RBM39: variants seen among roughly 807,000 people sequenced by gnomAD.
The protein encoded by RBM39 is RNA binding motif protein 39.
A neutral mutation model predicts 79.6 loss-of-function variants in RBM39; 12 were observed. The ratio of observed to expected loss-of-function variants is 0.15; its 90% CI spans 0.10 to 0.24. The LOEUF (loss-of-function observed/expected upper bound fraction) is 0.24, where lower values mean the gene tolerates loss of function less well. Among genes scored for constraint, RBM39 ranks in the 10% least tolerant of loss-of-function variants. RBM39 has a pLI of 1.00. For synonymous variants in RBM39, 185 were observed against 208.4 expected (o/e 0.89, Z 0.97); for missense variants, 243 against 653.4 (o/e 0.37, Z 6.85).
chr20:35,718,378 G>A (rs370064646), intron 9 of RBM39, among the ~76,000 whole-genome samples: 18 of 152,148 alleles, frequency 1.2e-4, no homozygotes, highest in African/African-American at 4.3e-4. Context: ...GCATTAGCTA[G>A]CAAAAAGTAA....
At chr20:35,723,823 T>C (rs1476056121) in intron 8 of RBM39, among the ~76,000 whole-genome samples, 2 of 152,198 alleles carry the variant, frequency 1.3e-5, no homozygotes, top group Admixed American at 6.6e-5. Context: ...AGAGGATCAC[T>C]TGAGCATGAC....
chr20:35,739,237 T>A (rs1056196), intron 2 of RBM39: 62,077 of 575,326 alleles, frequency 0.11, 3,562 homozygotes, highest in South Asian at 0.16. Flanking sequence ...TAAAAAAATT[T>A]TCCATATTAA....
At chr20:35,718,843 C>T (rs2037519305) in intron 9 of RBM39, among the ~76,000 whole-genome samples, 1 of 144,960 alleles carries the variant, frequency 6.9e-6, no homozygotes, top group Admixed American at 6.9e-5. Context: ...AAAAGCCAGG[C>T]ATGGCGGCAT....
At chr20:35,719,800 CT>C (rs2037675075) in intron 9 of RBM39, among the ~76,000 whole-genome samples, 1 of 152,038 alleles carries the variant, frequency 6.6e-6, no homozygotes, top group South Asian at 2.1e-4. Context: ...CATGATTATT[CT>C]TTTTCTTTTC....
intron 13 of RBM39, chr20:35,707,828 T>C (rs2035930368): frequency 4.5e-6 from 2 of 446,688 alleles, no homozygotes; most frequent in Non-Finnish European, 9.2e-6. Flanking sequence ...TAATATCCAC[T>C]ACTACCAAAA....
At chr20:35,729,561 G>A (rs1345103431) in intron 4 of RBM39, 34 bp from the exon 5 acceptor site, 2 of 1,591,094 alleles carry the variant, frequency 1.3e-6, no homozygotes, top group Non-Finnish European at 1.7e-6. Flanking sequence ...ACTAGTTACA[G>A]GTTTAGGGTC....
intron 1 of RBM39, 91 bp downstream of exon 1, chr20:35,741,850 C>A (rs558781270): frequency 7.0e-5 from 11 of 158,092 alleles, no homozygotes; most frequent in African/African-American, 2.4e-4. Flanking sequence ...CCACCCCGGT[C>A]GCTAAAGACC....
At chr20:35,707,283 AC>A in intron 13 of RBM39, 82 bp from the exon 14 acceptor site, 2 of 844,040 alleles carry the variant, frequency 2.4e-6, no homozygotes, top group Non-Finnish European at 1.8e-6. Flanking sequence ...GAAACCAAAA[AC>A]CCACCCCAAG....
chr20:35,714,592 TTAAATA>T (rs1185481791), intron 10 of RBM39, among the ~76,000 whole-genome samples: 1 of 152,204 alleles, frequency 6.6e-6, no homozygotes, highest in African/African-American at 2.4e-5. Context: ...ATGTGGTAGT[TTAAATA>T]AAAGATATTA....
At chr20:35,726,486 A>G (rs1027257829) in intron 6 of RBM39, among the ~76,000 whole-genome samples, 14 of 152,236 alleles carry the variant, frequency 9.2e-5, no homozygotes, top group African/African-American at 3.4e-4. Context: ...CAGTTTAATC[A>G]TAGTCATAAA....
intron 2 of RBM39, chr20:35,740,472 G>T: frequency 1.8e-6 from 2 of 1,107,404 alleles, no homozygotes; most frequent in Admixed American, 2.4e-5. Flanking sequence ...ATTCTTAGTT[G>T]AGTCATTTTA....
At chr20:35,732,197 T>G (rs1169414122) in intron 3 of RBM39, 62 bp from the exon 4 acceptor site, 1 of 1,391,202 alleles carries the variant, frequency 7.2e-7, no homozygotes, top group South Asian at 1.2e-5. Flanking sequence ...ATATACTACC[T>G]TTTATGGCCA....
In RBM39 at chr20:35,701,619, T is replaced by G. The variant is rs2035286645; in HGVS notation, c.*2862A>C. ...ATACAAAAACTTAAGCCGGGTGTGT[T>G]GACACGCGCCTGTATTCCCAGCTAC... is the stretch of plus-strand genomic sequence containing the variant. On this transcript the variant is annotated 3_prime_UTR_variant, in exon 17 of 17. Transcript: ENST00000253363. 1 of 152,072 alleles carries G rather than the reference T, an allele frequency of 6.6e-6. No individual in the cohort carries two copies. Among genetic ancestry groups the G allele is most frequent in the African/African-American group, 2.4e-5 (1 of 41,388 alleles). The allele number at this position is 152,072 out of a possible 1,614,324, so 9.4% of individuals were successfully genotyped here.
intron 3 of RBM39, chr20:35,736,486 C>T (rs1432966141): frequency 2.4e-6 from 1 of 416,332 alleles, no homozygotes; most frequent in Non-Finnish European, 5.0e-6. Flanking sequence ...ATTTTCTCAT[C>T]TGTTTTATGA....
chr20:35,718,409 G>A (rs1247731018), intron 9 of RBM39, among the ~76,000 whole-genome samples: 2 of 152,118 alleles, frequency 1.3e-5, no homozygotes, highest in African/African-American at 4.8e-5. Context: ...CATTTAGGCT[G>A]GGCTCGGTGG....
chr20:35,740,885 C>A lies in RBM39; in HGVS notation c.-11G>T. 1 of 1,607,604 alleles carries A rather than the reference C, an allele frequency of 6.2e-7. No individual in the cohort carries two copies. ...AATATCGTCTGCCATTTTCTCTAAA[C>A]GCCTAGGAAGAGAACAAGACAATTT... On this transcript the variant is annotated splice_region_variant and 5_prime_UTR_variant, in exon 2 of 17. Transcript: ENST00000253363.
At chr20:35,718,705 T>C (rs1379209588) in intron 9 of RBM39, among the ~76,000 whole-genome samples, 1 of 148,324 alleles carries the variant, frequency 6.7e-6, no homozygotes, top group African/African-American at 2.5e-5. Flanking sequence ...CCCAGCTACT[T>C]GGGAGGCTGA....
At chr20:35,725,676 TTC>T (rs992576117) in intron 6 of RBM39, among the ~76,000 whole-genome samples, 19 of 103,170 alleles carry the variant, frequency 1.8e-4, no homozygotes, top group Admixed American at 3.6e-4. Context: ...TTTTTTTTTT[TTC>T]CAGAGGAAGT....
At chr20:35,729,150 G>A (rs1336764918) in intron 6 of RBM39, among the ~76,000 whole-genome samples, 162 bp downstream of exon 6, 2 of 152,068 alleles carry the variant, frequency 1.3e-5, no homozygotes, top group East Asian at 3.8e-4. Flanking sequence ...GAAAACTACT[G>A]AAAACTCAGT....
Sources: allele counts gnomAD v4.1 joint callset (sites outside exome capture counted in the v4.1 genomes callset), GRCh38; gene constraint gnomAD v4.1.1; transcripts MANE v1.5; gene names NCBI Gene and HGNC (gene_info 2026-07-23, HGNC 2026-07-21).